Variants in PLXNA4 observed in about 807,000 individuals in gnomAD.
PLXNA4 encodes the protein plexin A4.
Under a neutral mutation model 191.8 loss-of-function variants are expected in PLXNA4, and 44 were observed. The observed-to-expected ratio is 0.23, with a 90% confidence interval of 0.18 to 0.29. The LOEUF (loss-of-function observed/expected upper bound fraction) is 0.29, where lower values mean the gene tolerates loss of function less well. PLXNA4 is among the 10% of genes least tolerant of loss of function. PLXNA4 has a pLI of 1.00. For missense variants in PLXNA4, 1,800 were observed against 2,488.8 expected (o/e 0.72, Z 5.89); for synonymous variants, 1,082 against 1,009.5 (o/e 1.07, Z -1.36).
intron 3 of PLXNA4, among the ~76,000 whole-genome samples, chr7:132,337,472 G>A (rs1802863564): frequency 6.6e-6 from 1 of 152,214 alleles, no homozygotes; most frequent in Non-Finnish European, 1.5e-5. Context: ...TGTGCAAATG[G>A]GAAGTCATAT....
chr7:132,547,822 T>C (rs1458626990), intron 1 of PLXNA4, among the ~76,000 whole-genome samples: 1 of 152,172 alleles, frequency 6.6e-6, no homozygotes, highest in Non-Finnish European at 1.5e-5. Flanking sequence ...TGGACCACTC[T>C]GTATTTCAGC....
At chr7:132,395,569 GC>G (rs1793723852) in intron 3 of PLXNA4, among the ~76,000 whole-genome samples, 1 of 152,222 alleles carries the variant, frequency 6.6e-6, no homozygotes. Flanking sequence ...TGGCCATGTG[GC>G]CCCTGACATG....
intron 30 of PLXNA4, among the ~76,000 whole-genome samples, chr7:132,136,638 G>C (rs909904293): frequency 6.6e-6 from 1 of 152,162 alleles, no homozygotes; most frequent in Non-Finnish European, 1.5e-5. Flanking sequence ...GGATTTCTAT[G>C]GGGTAGTGGG....
chr7:132,447,170 C>A (rs997869134), intron 3 of PLXNA4, among the ~76,000 whole-genome samples: 12 of 152,276 alleles, frequency 7.9e-5, no homozygotes, highest in African/African-American at 2.6e-4. Context: ...AGTTGGCTCA[C>A]CAGGCTCCCA....
chr7:132,259,525 C>G (rs183485135), intron 4 of PLXNA4, among the ~76,000 whole-genome samples: 20 of 145,660 alleles, frequency 1.4e-4, no homozygotes, highest in African/African-American at 5.0e-4. Context: ...GTATTCCCTT[C>G]AAACCTCCAG....
rs537855546 is a variant in PLXNA4 at position 132,585,633 on chromosome 7, A to T, written c.-87+60295T>A. Among the ~76,000 whole-genome samples, 11 of 152,320 alleles carry T rather than the reference A, an allele frequency of 7.2e-5. No individual in the cohort carries two copies. In the East Asian group the frequency reaches 1.9e-3, roughly 27 times the overall value. ...CACTCTCTGGGTGGCTTTAACAACA[A>T]ATATCTATTTCTTATGGTTCTGGAG... On this transcript the variant is annotated intron_variant, in intron 2 of 4. Coordinates refer to the PLXNA4 transcript ENST00000378539.
intron 3 of PLXNA4, among the ~76,000 whole-genome samples, chr7:132,303,780 C>G (rs778374667): frequency 3.3e-5 from 5 of 152,162 alleles, no homozygotes; most frequent in Non-Finnish European, 7.3e-5. Flanking sequence ...TAAGTGCCAG[C>G]CCCGCCTTCC....
chr7:132,158,123 C>T (rs1237782052), intron 25 of PLXNA4, among the ~76,000 whole-genome samples: 1 of 152,226 alleles, frequency 6.6e-6, no homozygotes, highest in Non-Finnish European at 1.5e-5. Context: ...TATCCAAGCT[C>T]AGAGCACAGG....
intron 4 of PLXNA4, among the ~76,000 whole-genome samples, chr7:132,277,687 G>A (rs575934477): frequency 2.2e-4 from 34 of 152,314 alleles, no homozygotes; most frequent in Middle Eastern, 3.4e-3. Flanking sequence ...TTCTGAGGAC[G>A]AGGACCTTGC....
intron 12 of PLXNA4, among the ~76,000 whole-genome samples, 192 bp downstream of exon 12, chr7:132,202,454 T>C (rs747234997): frequency 4.6e-5 from 7 of 151,054 alleles, no homozygotes; most frequent in Non-Finnish European, 1.0e-4. Context: ...CCAAAAAGAG[T>C]CTCTGATCCA....
At chr7:132,435,791 A>G (rs1795448728) in intron 3 of PLXNA4, among the ~76,000 whole-genome samples, 1 of 152,014 alleles carries the variant, frequency 6.6e-6, no homozygotes, top group East Asian at 1.9e-4. Context: ...CTTCCTACAC[A>G]TTGGAGTACC....
chr7:132,293,919 T>C (rs998335478), intron 4 of PLXNA4, among the ~76,000 whole-genome samples: 2 of 152,178 alleles, frequency 1.3e-5, no homozygotes, highest in Non-Finnish European at 2.9e-5. Context: ...TGAGCCCAGA[T>C]CCATTTAGTC....
At chr7:132,179,070 T>C (rs1796597351) in intron 20 of PLXNA4, among the ~76,000 whole-genome samples, 1 of 134,236 alleles carries the variant, frequency 7.4e-6, no homozygotes, top group African/African-American at 2.9e-5. Context: ...CCTCCAGCAC[T>C]GCTCACAGCT....
chr7:132,637,090 A>G (rs1438859902), intron 2 of PLXNA4, among the ~76,000 whole-genome samples: 1 of 152,178 alleles, frequency 6.6e-6, no homozygotes, highest in Non-Finnish European at 1.5e-5. Context: ...AGATGGCTCT[A>G]AAAGTCCATT....
chr7:132,339,331 T>C (rs977109559), intron 3 of PLXNA4, among the ~76,000 whole-genome samples: 2 of 152,242 alleles, frequency 1.3e-5, no homozygotes, highest in Non-Finnish European at 2.9e-5. Flanking sequence ...ATCCCCCATC[T>C]AATGTTTCTT....
chr7:132,146,370 C>A, intron 28 of PLXNA4, 140 bp downstream of exon 28: 2 of 1,388,636 alleles, frequency 1.4e-6, no homozygotes, highest in South Asian at 1.3e-5. Context: ...GGGGAATGGT[C>A]AGCAGTGCCT....
chr7:132,382,267 C>T lies in PLXNA4; in HGVS notation c.1372-84045G>A, dbSNP rs542607440. 2.0e-4 allele frequency among the ~76,000 whole-genome samples: 30 copies of T among 152,260 alleles called. No individual in the cohort carries two copies. In the South Asian group the frequency reaches 4.8e-3, roughly 24 times the overall value. ...CAGCCAATTGCAGGAGTCAGAAAGA[C>T]GCATTCCAGGCTCCAGCATGAGCCC... On this transcript the variant is annotated intron_variant, in intron 3 of 31. Transcript: ENST00000321063.
At chr7:132,623,128 T>A (rs1287841231) in intron 2 of PLXNA4, among the ~76,000 whole-genome samples, 1 of 152,112 alleles carries the variant, frequency 6.6e-6, no homozygotes, top group Non-Finnish European at 1.5e-5. Context: ...GTGGATCACC[T>A]GAGGTCTGGA....
At chr7:132,574,112 G>T (rs1802113312) in intron 1 of PLXNA4, among the ~76,000 whole-genome samples, 1 of 152,214 alleles carries the variant, frequency 6.6e-6, no homozygotes. Flanking sequence ...AAAGTGCAGA[G>T]ATTTTCTGAA....
Sources: allele counts gnomAD v4.1 joint callset (sites outside exome capture counted in the v4.1 genomes callset), GRCh38; gene constraint gnomAD v4.1.1; transcripts MANE v1.5; gene names NCBI Gene and HGNC (gene_info 2026-07-23, HGNC 2026-07-21).